The following SHISA9 variants were observed in gnomAD, a reference collection of about 807,000 sequenced individuals.
The protein encoded by SHISA9 is protein shisa-9.
Under a neutral mutation model 38.0 loss-of-function variants are expected in SHISA9, and 13 were observed. The observed-to-expected ratio is 0.34, with a 90% CI of 0.22 to 0.54. The LOEUF (loss-of-function observed/expected upper bound fraction) is 0.54, where lower values mean the gene tolerates loss of function less well. Ranked by LOEUF, SHISA9 falls within the 20% of genes least tolerant of loss-of-function variation. The probability of loss-of-function intolerance (pLI) is 0.91; values close to 1 mark genes in which losing one functional copy is unlikely to be tolerated. For missense variants in SHISA9, 538 were observed against 575.8 expected (o/e 0.93, Z 0.67); for synonymous variants, 275 against 242.0 (o/e 1.14, Z -1.27).
At chr16:13,499,598 C>A in the SHISA9 span, among the ~76,000 whole-genome samples, 1 of 151,856 alleles carries the variant, frequency 6.6e-6, no homozygotes, top group Non-Finnish European at 1.5e-5. Flanking sequence ...TATATAAATT[C>A]TCTATAATAT....
intron 2 of SHISA9, among the ~76,000 whole-genome samples, chr16:13,145,488 T>G (rs1374430090): frequency 6.6e-6 from 1 of 151,988 alleles, no homozygotes; most frequent in Non-Finnish European, 1.5e-5. Context: ...GATCGTGCCA[T>G]TGCACTCCAG....
chr16:12,986,309 T>G (rs1374968115), intron 2 of SHISA9, among the ~76,000 whole-genome samples: 3 of 152,158 alleles, frequency 2.0e-5, no homozygotes, highest in Non-Finnish European at 4.4e-5. Context: ...TTCCTTCCCT[T>G]CTTGCTTTCT....
rs1210092230 is a variant in SHISA9 at position 13,202,359 on chromosome 16, A to C, written c.692-1035A>C. Among the ~76,000 whole-genome samples the C allele has an allele frequency of 1.5e-5, 2 of 132,006 alleles. 1 individual carries two copies. Among genetic ancestry groups the C allele is most frequent in the African/African-American group, 6.0e-5 (2 of 33,226 alleles). The allele number at this position is 132,006 out of a possible 152,430, so 86.6% of individuals were successfully genotyped here. On this transcript the variant is annotated intron_variant, in intron 2 of 4. Transcript: ENST00000558583. ...CCACCTTCCACCACACTGAACTATT[A>C]TAACAACCCTCCTTCCTGTAGATCT...
chr16:13,109,217 G>A (rs1262994367), intron 2 of SHISA9, among the ~76,000 whole-genome samples: 1 of 151,958 alleles, frequency 6.6e-6, no homozygotes, highest in Non-Finnish European at 1.5e-5. Context: ...TTGTAGGGAT[G>A]GGTTTGCTGT....
At chr16:13,378,925 CTT>C in the SHISA9 span, among the ~76,000 whole-genome samples, 1 of 152,194 alleles carries the variant, frequency 6.6e-6, no homozygotes, top group Non-Finnish European at 1.5e-5. Context: ...CTGATTAACT[CTT>C]TGTGTGTTTT....
At chr16:13,412,011 A>G in the SHISA9 span, among the ~76,000 whole-genome samples, 1 of 152,194 alleles carries the variant, frequency 6.6e-6, no homozygotes, top group Non-Finnish European at 1.5e-5. Context: ...GGATGATCCC[A>G]GTTCATCTCT....
At chr16:13,131,772 A>G (rs773160388) in intron 2 of SHISA9, among the ~76,000 whole-genome samples, 1 of 152,210 alleles carries the variant, frequency 6.6e-6, no homozygotes, top group South Asian at 2.1e-4. Context: ...CTGAGAGTCT[A>G]AGGAACTTGC....
the SHISA9 span, among the ~76,000 whole-genome samples, chr16:13,414,750 T>C: frequency 1.3e-5 from 2 of 150,644 alleles, no homozygotes; most frequent in Admixed American, 1.3e-4. Flanking sequence ...GTTCAAGCGA[T>C]TCTCCCTAGT....
chr16:13,193,436 C>T (rs1379767042), intron 2 of SHISA9, among the ~76,000 whole-genome samples: 1 of 152,180 alleles, frequency 6.6e-6, no homozygotes, highest in Non-Finnish European at 1.5e-5. Context: ...ACTGTGACCT[C>T]TGCCTCCTGG....
chr16:13,187,328 C>CTTTTCTTTTCTT (rs1450024008), intron 2 of SHISA9, among the ~76,000 whole-genome samples: 42 of 90,692 alleles, frequency 4.6e-4, no homozygotes, highest in Non-Finnish European at 7.6e-4. Context: ...CTTTTCTTTT[C>CTTTTCTTTTCTT]TTTTTTTTTT....
intron 2 of SHISA9, among the ~76,000 whole-genome samples, chr16:13,173,100 T>A (rs1336494190): frequency 6.6e-6 from 1 of 152,106 alleles, no homozygotes; most frequent in Non-Finnish European, 1.5e-5. Flanking sequence ...TTCTTCTCTG[T>A]ATGAATATTA....
chr16:13,175,165 G>A (rs372998952), intron 2 of SHISA9, among the ~76,000 whole-genome samples: 6 of 151,298 alleles, frequency 4.0e-5, no homozygotes, highest in African/African-American at 1.5e-4. Flanking sequence ...CCAGGAATTA[G>A]AGACCAGCTT....
chr16:13,034,957 A>C (rs577130622), intron 2 of SHISA9, among the ~76,000 whole-genome samples: 3 of 152,336 alleles, frequency 2.0e-5, no homozygotes, highest in South Asian at 4.1e-4. Context: ...TCCTAGACTA[A>C]ATAACCAATT....
chr16:13,424,519 C>T, the SHISA9 span, among the ~76,000 whole-genome samples: 1 of 152,188 alleles, frequency 6.6e-6, no homozygotes, highest in Non-Finnish European at 1.5e-5. Flanking sequence ...AAGGCCATCA[C>T]AAAACAGGGA....
intron 2 of SHISA9, among the ~76,000 whole-genome samples, chr16:13,067,345 A>G (rs1461119802): frequency 6.6e-6 from 1 of 152,178 alleles, no homozygotes; most frequent in African/African-American, 2.4e-5. Context: ...CTGGCATTTG[A>G]TGAACTCAAG....
At chr16:13,310,622 GA>G in the SHISA9 span, among the ~76,000 whole-genome samples, 1 of 151,110 alleles carries the variant, frequency 6.6e-6, no homozygotes, top group African/African-American at 2.4e-5. Flanking sequence ...CAAAAAATTA[GA>G]AATGTGAATG....
chr16:13,094,110 T>C (rs16961119), intron 2 of SHISA9, among the ~76,000 whole-genome samples: 3,199 of 152,252 alleles, frequency 0.021, 50 homozygotes, highest in Admixed American at 0.048. Flanking sequence ...GCCACTGTGC[T>C]AGCAGAAAAG....
chr16:13,345,081 G>A, the SHISA9 span, among the ~76,000 whole-genome samples: 4 of 152,052 alleles, frequency 2.6e-5, no homozygotes, highest in Admixed American at 2.6e-4. Context: ...CACCCAAGCT[G>A]CTTGCTTGGG....
At chr16:13,180,354 T>A (rs921356870) in intron 2 of SHISA9, among the ~76,000 whole-genome samples, 2 of 152,310 alleles carry the variant, frequency 1.3e-5, no homozygotes, top group African/African-American at 4.8e-5. Context: ...GCAGGACACC[T>A]AACCCAGAGG....
Sources: allele counts gnomAD v4.1 joint callset (sites outside exome capture counted in the v4.1 genomes callset), GRCh38; gene constraint gnomAD v4.1.1; transcripts MANE v1.5; gene names NCBI Gene and HGNC (gene_info 2026-07-23, HGNC 2026-07-21).